HAPLN2: variants seen among roughly 807,000 people sequenced by gnomAD.
The protein encoded by HAPLN2 is hyaluronan and proteoglycan link protein 2, also known as brain link protein-1.
In HAPLN2, 27 loss-of-function variants were observed where a neutral mutation model predicts 29.3. The observed-to-expected ratio is 0.92, with a 90% CI of 0.68 to 1.27. HAPLN2 has a LOEUF of 1.27. Among genes scored for constraint, HAPLN2 ranks in the 50% most tolerant of loss-of-function variants. HAPLN2 has a pLI of 0.00. For missense variants in HAPLN2, 454 were observed against 484.3 expected, an observed-to-expected ratio of 0.94 and a Z score of 0.59; for synonymous variants, 208 against 211.7, an observed-to-expected ratio of 0.98 and a Z score of 0.15.
Position 156,624,157 on chromosome 1 carries a change from G to A in HAPLN2, c.436G>A (p.Glu146Lys). Residue 146 changes from glutamate (E) to lysine (K), a missense_variant, in exon 4 of 7, where the codon GAG (glutamate) becomes AAG (lysine). Around this residue, in one of 3 missense-constraint regions of HAPLN2, gnomAD observed 204 missense variants for 209.2 expected, o/e 0.98. Transcript: ENST00000255039. ...DESVALTLSL[E>K]GVVFPYQPSR... ...GAGCGTGGCGCTGACCTTGAGCTTG[G>A]AGGGTGAGGCCCTTCCGCTCCCGCC... 6.2e-7 allele frequency: 1 copy of A among 1,612,666 alleles called. No homozygotes were observed. The highest frequency in any genetic ancestry group is 8.5e-7 in the Non-Finnish European group (1 of 1,179,534).
At chr1:156,624,564 A>G in intron 5 of HAPLN2, 37 bp from the exon 6 acceptor site, 1 of 1,606,266 alleles carries the variant, frequency 6.2e-7, no homozygotes, top group Non-Finnish European at 8.5e-7. Context: ...CCTGCCTATG[A>G]CGCCTCTTAT....
At chr1:156,602,450 G>T in the HAPLN2 span, among the ~76,000 whole-genome samples, 2 of 145,404 alleles carry the variant, frequency 1.4e-5, no homozygotes, top group Admixed American at 7.2e-5. Flanking sequence ...GCTCATGCCT[G>T]TAATCCCAGC....
upstream of HAPLN2, among the ~76,000 whole-genome samples, chr1:156,617,413 C>T (rs957422284): frequency 5.4e-5 from 8 of 149,504 alleles, no homozygotes; most frequent in South Asian, 1.1e-3. Context: ...TGCAGTGGCA[C>T]GATCTCAGCT....
rs764676865 is a variant in HAPLN2, at chr1:156,624,790, C to G, written c.739+7C>G. ...TTCACCTCCGCGCTGGCGGGTGAGG[C>G]GCGGGACGAAGGCAGGGTCTTGGGG... On this transcript the variant is annotated splice_region_variant and intron_variant, in intron 6 of 6. Transcript: ENST00000255039. The G allele has an allele frequency of 5.8e-5, 86 of 1,489,588 alleles. No individual in the cohort carries two copies. Among genetic ancestry groups the G allele is most frequent in the Non-Finnish European group, 1.1e-5 (12 of 1,127,874 alleles). 92.3% of individuals were successfully genotyped at this position (1,489,588 alleles called of 1,614,324 possible).
intron 2 of HAPLN2, 79 bp from the exon 3 acceptor site, chr1:156,623,388 T>A (rs1001786730): frequency 3.3e-6 from 4 of 1,202,274 alleles, no homozygotes; most frequent in Non-Finnish European, 4.7e-6. Context: ...GGATCTCTGA[T>A]GGGAGTTCAC....
chr1:156,625,375 C>T lies in HAPLN2; in HGVS notation c.1014C>T (p.Ala338=), dbSNP rs1197947743. ...QQAAYGTYCY[A]EN Reference sequence around the variant, plus strand: ...CAGCCTATGGGACCTACTGCTACGCCGAGAATTAGGCGCCCACCGTGTCCC... The same window carrying T: ...CAGCCTATGGGACCTACTGCTACGCTGAGAATTAGGCGCCCACCGTGTCCC... Residue 338 remains alanine, a synonymous_variant, in exon 7 of 7, where the codon GCC becomes GCT. Transcript: ENST00000255039. This position sits in a 1 kb window ranked among gnomAD's most constrained non-coding sequence, Gnocchi z 5.7. The T allele has an allele frequency of 6.3e-7, 1 of 1,590,472 alleles. No individual in the cohort carries two copies. Among genetic ancestry groups the T allele is most frequent in the Admixed American group, 1.8e-5 (1 of 57,134 alleles).
intron 4 of HAPLN2, 63 bp downstream of exon 4, chr1:156,624,223 C>T: frequency 1.3e-6 from 2 of 1,538,366 alleles, no homozygotes; most frequent in Admixed American, 3.9e-5. Context: ...CCTGGGTCTC[C>T]CAGGGCTCCT....
At chr1:156,609,935 G>C in the HAPLN2 span, among the ~76,000 whole-genome samples, 2 of 152,238 alleles carry the variant, frequency 1.3e-5, no homozygotes, top group South Asian at 4.1e-4. Flanking sequence ...ACAAATACAG[G>C]CTGGGCGCAG....
At chr1:156,612,151 G>A in the HAPLN2 span, among the ~76,000 whole-genome samples, 1 of 152,102 alleles carries the variant, frequency 6.6e-6, no homozygotes, top group African/African-American at 2.4e-5. Context: ...TGCCTCCCCA[G>A]TAGCTGGGAT....
the HAPLN2 span, among the ~76,000 whole-genome samples, chr1:156,611,561 A>G: frequency 6.6e-6 from 1 of 152,152 alleles, no homozygotes; most frequent in Non-Finnish European, 1.5e-5. Flanking sequence ...GCGAAACTCT[A>G]TCTCAAAAAC....
intron 6 of HAPLN2, 126 bp downstream of exon 6, chr1:156,624,909 G>GGCCCCCCCCCC: frequency 6.0e-6 from 6 of 999,498 alleles, no homozygotes; most frequent in South Asian, 1.8e-5. Context: ...CCCCCCATCA[G>GGCCCCCCCCCC]CCCGCCCGCC....
At chr1:156,605,598 C>CAAAAAAAAAAAAAAAAAAA in the HAPLN2 span, among the ~76,000 whole-genome samples, 1 of 63,846 alleles carries the variant, frequency 1.6e-5, no homozygotes, top group Non-Finnish European at 2.6e-5. Flanking sequence ...GACTTGGTCT[C>CAAAAAAAAAAAAAAAAAAA]AAAAAAAAAA....
At chr1:156,623,037 A>AAAATAAATAAATAAAT (rs56280786) in intron 2 of HAPLN2, among the ~76,000 whole-genome samples, 45 of 111,424 alleles carry the variant, frequency 4.0e-4, no homozygotes, top group Non-Finnish European at 5.7e-4. Flanking sequence ...CTGTCTCAAA[A>AAAATAAATAAATAAAT]AAATAAATAA....
At chr1:156,602,982 A>G in the HAPLN2 span, among the ~76,000 whole-genome samples, 1 of 152,106 alleles carries the variant, frequency 6.6e-6, no homozygotes, top group Non-Finnish European at 1.5e-5. Flanking sequence ...CCTGTATGTC[A>G]TACCCATTCA....
In HAPLN2 at chr1:156,623,977, A is replaced by C; in HGVS notation, c.256A>C (p.Thr86Pro). ...GCTCCGGGAAACGCTGATCCTCATC[A>C]CCAACGGACTGCACGCCCGGGGGTA... ...GELRETLILI[T>P]NGLHARGYGP... The change falls in exon 4 of 7, where the codon ACC becomes CCC. Residue 86 changes from threonine to proline, a missense_variant. By Grantham distance (38) the Thr-to-Pro change is conservative. Coordinates refer to ENST00000255039, the MANE Select transcript of HAPLN2 (RefSeq NM_021817.3). 5 of 1,607,896 alleles carry C rather than the reference A, an allele frequency of 3.1e-6. No individual in the cohort carries two copies. Among genetic ancestry groups the C allele is most frequent in the Non-Finnish European group, 4.2e-6 (5 of 1,177,110 alleles).
intron 2 of HAPLN2, among the ~76,000 whole-genome samples, chr1:156,622,364 G>C (rs1678257244): frequency 6.6e-6 from 1 of 152,076 alleles, no homozygotes; most frequent in African/African-American, 2.4e-5. Flanking sequence ...TGAGATGGGA[G>C]GATGGCTTGA....
Position 156,624,675 on chromosome 1 carries a change from G to A in HAPLN2, c.631G>A (p.Ala211Thr), listed in dbSNP as rs1157548378. 6.2e-7 allele frequency: 1 copy of A among 1,605,684 alleles called. No individual in the cohort carries two copies. Among genetic ancestry groups the A allele is most frequent in the Non-Finnish European group, 8.5e-7 (1 of 1,177,398 alleles). ...EGSVRYPVLT[A>T]RAPCGGRGRP... ...CTCCGTGCGCTACCCTGTGCTCACCGCACGCGCCCCGTGCGGCGGCCGAGG... is the reference window on the plus strand; with the variant it reads ...CTCCGTGCGCTACCCTGTGCTCACCACACGCGCCCCGTGCGGCGGCCGAGG... Residue 211 changes from alanine to threonine, a missense_variant, in exon 6 of 7, where the codon GCA becomes ACA. Physicochemically the swap from Ala to Thr is moderately conservative, Grantham distance 58 (BLOSUM62 0). Transcript: ENST00000255039.
chr1:156,623,821 C>A lies in HAPLN2; in HGVS notation c.100C>A (p.Pro34Thr), dbSNP rs764064117. ...CCTCTGCCCAGCATCCCACCCGGGC[C>A]CCCACTACCTCCTGCCCCCCATCCA... is the stretch of plus-strand genomic sequence containing the variant. The part of the protein sequence containing the change: ...AQGDPASHPG[P>T]HYLLPPIHEV... The change falls in exon 4 of 7, where the codon CCC (proline) becomes ACC (threonine). Residue 34 changes from proline to threonine, a missense_variant. Around this residue, in one of 3 missense-constraint regions of HAPLN2, gnomAD observed 204 missense variants for 209.2 expected, o/e 0.98. Transcript: ENST00000255039. 1 of 1,523,944 alleles carries A rather than the reference C, an allele frequency of 6.6e-7. No homozygotes were observed. The highest frequency in any genetic ancestry group is 1.3e-5 in the South Asian group (1 of 75,848). The allele number at this position is 1,523,944 out of a possible 1,614,324, so 94.4% of individuals were successfully genotyped here. A position where few individuals can be genotyped will look rare whatever the true frequency, so the allele number is the denominator to read the frequency against.
chr1:156,621,737 A>G (rs1437846480), intron 2 of HAPLN2, among the ~76,000 whole-genome samples: 1 of 151,256 alleles, frequency 6.6e-6, no homozygotes, highest in Non-Finnish European at 1.5e-5. Context: ...AAAAAAGAAA[A>G]AAAAAAAAAA....
Sources: allele counts gnomAD v4.1 joint callset (sites outside exome capture counted in the v4.1 genomes callset), GRCh38; gene constraint gnomAD v4.1.1; regional missense constraint gnomAD v4.1.1; non-coding constraint Gnocchi (gnomAD v3.1); transcripts MANE v1.5; gene names NCBI Gene and HGNC (gene_info 2026-07-23, HGNC 2026-07-21).